Variants in PRKCE observed in about 807,000 individuals in gnomAD.
PRKCE encodes protein kinase C epsilon.
PRKCE carries 16 observed loss-of-function variants against 85.4 expected under a neutral mutation model. That is an observed-to-expected ratio of 0.19 (90% CI 0.13 to 0.28). PRKCE has a LOEUF of 0.28. Among genes scored for constraint, PRKCE ranks in the 10% least tolerant of loss-of-function variants. PRKCE has a pLI of 1.00. For synonymous variants in PRKCE, 388 were observed against 371.5 expected (o/e 1.04, Z -0.51); for missense variants, 573 against 975.2 (o/e 0.59, Z 5.49).
intron 14 of PRKCE, among the ~76,000 whole-genome samples, chr2:46,183,147 C>G (rs1427816822): frequency 6.6e-6 from 1 of 152,218 alleles, no homozygotes; most frequent in Non-Finnish European, 1.5e-5. Flanking sequence ...AGACCCTGCT[C>G]TCAGGAGAGG....
intron 2 of PRKCE, among the ~76,000 whole-genome samples, chr2:45,883,509 G>T (rs1008466770): frequency 2.0e-5 from 3 of 152,214 alleles, no homozygotes; most frequent in African/African-American, 7.2e-5. Context: ...GCAGGGCAGA[G>T]CTACCCTTCT....
chr2:45,952,894 A>C (rs1700721314), intron 2 of PRKCE, among the ~76,000 whole-genome samples: 1 of 152,230 alleles, frequency 6.6e-6, no homozygotes, highest in Admixed American at 6.5e-5. Flanking sequence ...TAACAGCACG[A>C]AACACAGCAG....
chr2:46,166,245 C>T (rs1678330379), intron 14 of PRKCE, among the ~76,000 whole-genome samples: 1 of 152,230 alleles, frequency 6.6e-6, no homozygotes, highest in Admixed American at 6.5e-5. Flanking sequence ...AGCCAGCCCA[C>T]CTGCCTAGGG....
chr2:45,914,048 A>G (rs984281999), intron 2 of PRKCE, among the ~76,000 whole-genome samples: 1 of 152,212 alleles, frequency 6.6e-6, no homozygotes, highest in African/African-American at 2.4e-5. Flanking sequence ...ACCGTTAACA[A>G]TGTCAAGAGC....
chr2:45,720,384 C>T (rs1680513221), intron 1 of PRKCE, among the ~76,000 whole-genome samples: 1 of 152,070 alleles, frequency 6.6e-6, no homozygotes, highest in Non-Finnish European at 1.5e-5. Context: ...TTGAGGGCTC[C>T]CCAGTACCTC....
chr2:46,013,934 A>G (rs1200141444), intron 10 of PRKCE, among the ~76,000 whole-genome samples: 2 of 152,234 alleles, frequency 1.3e-5, no homozygotes, highest in Non-Finnish European at 2.9e-5. Flanking sequence ...ACCAATGGCA[A>G]TGGTCATATG....
At chr2:46,005,612 G>C (rs1705119737) in intron 8 of PRKCE, among the ~76,000 whole-genome samples, 3 of 152,166 alleles carry the variant, frequency 2.0e-5, no homozygotes, top group Admixed American at 2.0e-4. Flanking sequence ...CATGCTGGCT[G>C]AGGGACACAC....
In PRKCE at chr2:45,697,007, C is replaced by T. The variant is rs1355127728; in HGVS notation, c.348+44559C>T. On this transcript the variant is annotated intron_variant, in intron 1 of 14. Transcript: ENST00000306156. This position sits in a 1 kb window ranked among gnomAD's most constrained non-coding sequence, Gnocchi z 4.2. ...TCTTCTTTCCCCCTTGGCTTTTGTA[C>T]TTGCCACCAAGGCCCATGTTTGGTG... 6.6e-6 allele frequency among the ~76,000 whole-genome samples: 1 copy of T among 152,192 alleles called. No homozygotes were observed. The highest frequency in any genetic ancestry group is 1.9e-4 in the East Asian group (1 of 5,198).
At chr2:46,065,766 C>T (rs759776648) in intron 10 of PRKCE, among the ~76,000 whole-genome samples, 1 of 152,144 alleles carries the variant, frequency 6.6e-6, no homozygotes, top group Non-Finnish European at 1.5e-5. Context: ...TATTATATTT[C>T]CAAGCCATAA....
At chr2:45,976,289 A>G in intron 2 of PRKCE, 140 bp from the exon 3 acceptor site, 1 of 941,628 alleles carries the variant, frequency 1.1e-6, no homozygotes, top group Non-Finnish European at 1.6e-6. Context: ...CAGACCCCCG[A>G]GTCCCTCCAC....
At chr2:46,048,165 G>C (rs1050971127) in intron 10 of PRKCE, among the ~76,000 whole-genome samples, 6 of 152,042 alleles carry the variant, frequency 3.9e-5, no homozygotes, top group African/African-American at 1.4e-4. Context: ...GGGCACTTAG[G>C]GGAAAAGGAG....
At chr2:46,140,830 A>G (rs141704952) in intron 11 of PRKCE, among the ~76,000 whole-genome samples, 1 of 152,260 alleles carries the variant, frequency 6.6e-6, no homozygotes, top group African/African-American at 2.4e-5. Flanking sequence ...GCTCCTAAAA[A>G]TCGATAAAAA....
At chr2:45,787,877 T>A (rs1249744813) in intron 1 of PRKCE, among the ~76,000 whole-genome samples, 1 of 152,194 alleles carries the variant, frequency 6.6e-6, no homozygotes, top group Non-Finnish European at 1.5e-5. Flanking sequence ...GGGAGTGATA[T>A]GTAACCAGCG....
chr2:46,044,114 T>C (rs1283634567), intron 10 of PRKCE, among the ~76,000 whole-genome samples: 1 of 152,206 alleles, frequency 6.6e-6, no homozygotes, highest in African/African-American at 2.4e-5. Flanking sequence ...CAATTCTGTA[T>C]TGTAAAAGTA....
intron 1 of PRKCE, among the ~76,000 whole-genome samples, chr2:45,777,069 T>C (rs541684281): frequency 6.6e-6 from 1 of 152,180 alleles, no homozygotes; most frequent in South Asian, 2.1e-4. Flanking sequence ...AGAACATCAG[T>C]TTGCTCATCT....
At chr2:46,053,061 A>G (rs751258178) in intron 10 of PRKCE, among the ~76,000 whole-genome samples, 1 of 152,252 alleles carries the variant, frequency 6.6e-6, no homozygotes, top group Non-Finnish European at 1.5e-5. Flanking sequence ...CAAGGGAACC[A>G]GCAGCAGAAA....
intron 2 of PRKCE, among the ~76,000 whole-genome samples, chr2:45,937,729 A>G (rs1384964961): frequency 3.3e-5 from 5 of 152,072 alleles, no homozygotes; most frequent in African/African-American, 7.2e-5. Context: ...AAAAAAAAAA[A>G]GAAAGAAAAC....
At chr2:46,180,640 G>A (rs1163754298) in intron 14 of PRKCE, among the ~76,000 whole-genome samples, 6 of 152,332 alleles carry the variant, frequency 3.9e-5, no homozygotes, top group Non-Finnish European at 8.8e-5. Context: ...CATGGCACAC[G>A]AATGCTAAGA....
intron 2 of PRKCE, among the ~76,000 whole-genome samples, chr2:45,881,717 C>G (rs1694903783): frequency 1.3e-5 from 2 of 152,218 alleles, no homozygotes; most frequent in South Asian, 4.1e-4. Context: ...AATGACTTGC[C>G]TAAGTCACAC....
Sources: gnomAD v4.1 joint callset for allele counts (sites outside exome capture counted in the v4.1 genomes callset) on GRCh38, gnomAD v4.1.1 for gene constraint, Gnocchi (gnomAD v3.1) non-coding constraint, MANE v1.5 for transcripts, NCBI Gene and HGNC (gene_info 2026-07-23, HGNC 2026-07-21) for gene names.